EPAS1: variants seen among roughly 807,000 people sequenced by gnomAD.
The protein encoded by EPAS1 is endothelial PAS domain protein 1, also known as endothelial PAS domain-containing protein 1.
In EPAS1, 23 loss-of-function variants were observed where a neutral mutation model predicts 87.9. The ratio of observed to expected loss-of-function variants is 0.26; its 90% CI spans 0.19 to 0.37. The LOEUF (loss-of-function observed/expected upper bound fraction) is 0.37, where lower values mean the gene tolerates loss of function less well. Among genes scored for constraint, EPAS1 ranks in the 10% least tolerant of loss-of-function variants. The pLI is 1.00. For synonymous variants in EPAS1, 508 were observed against 444.3 expected (o/e 1.14, Z -1.80); for missense variants, 1,138 against 1,120.7 (o/e 1.02, Z -0.22).
chr2:46,352,078 C>T (rs988416239), intron 2 of EPAS1, among the ~76,000 whole-genome samples: 7 of 152,228 alleles, frequency 4.6e-5, no homozygotes, highest in Non-Finnish European at 8.8e-5. Flanking sequence ...CGGGCATGCA[C>T]TTTCTCAGCA....
Position 46,382,055 on chromosome 2 carries a change from G to A in EPAS1, c.2253G>A (p.Met751Ile). Residue 751 changes from methionine (M) to isoleucine (I), a missense_variant, in exon 14 of 16, where the codon ATG (methionine) becomes ATA (isoleucine). By Grantham distance (10) the Met-to-Ile change is conservative. This residue lies in a region of EPAS1 where 502 missense variants were observed against 427.1 expected (regional missense o/e 1.18). Transcript: ENST00000263734. ...KNLRGGSCPL[M>I]PDKPLSANVP... is the part of the protein sequence containing the mutation. ...TCAGGGGTGGGAGCTGCCCTTTGAT[G>A]CCGGACAAGCCACTGAGCGCAAATG... 1.2e-6 allele frequency: 2 copies of A among 1,613,616 alleles called. No homozygotes were observed. The highest frequency in any genetic ancestry group is 1.7e-6 in the Non-Finnish European group (2 of 1,179,954).
At position 46,339,518 on chromosome 2, in the gene EPAS1, A is replaced by T. The variant is rs185284734; in HGVS notation, c.27-7355A>T. Among the ~76,000 whole-genome samples, 498 of 152,338 alleles carry T rather than the reference A, an allele frequency of 3.3e-3. 2 individuals carry two copies. The highest frequency in any genetic ancestry group is 0.012 in the African/African-American group (485 of 41,582). Reference sequence around the variant, plus strand: ...GTTTTTCCTTATCTCTAAAATGGGAATGATGGTAGCTGCTCTTCCTAGCCT... The same window carrying T: ...GTTTTTCCTTATCTCTAAAATGGGATTGATGGTAGCTGCTCTTCCTAGCCT... On this transcript the variant is annotated intron_variant, in intron 1 of 15. Transcript: ENST00000263734.
Position 46,384,704 on chromosome 2 carries a change from A to G in EPAS1, c.*44A>G, listed in dbSNP as rs1433029591. On this transcript the variant is annotated 3_prime_UTR_variant, in exon 16 of 16. Coordinates refer to ENST00000263734, the MANE Select transcript of EPAS1 (RefSeq NM_001430.5). ...GCAGCACCTCTGCCGACGCCGTCCC[A>G]CCAGCTTCACTCTCTCCGTCTGTTT... The G allele has an allele frequency of 1.9e-6, 3 of 1,605,590 alleles. No homozygotes were observed. Among genetic ancestry groups the G allele is most frequent in the Middle Eastern group, 1.7e-4 (1 of 5,980 alleles).
At position 46,371,494 on chromosome 2, in the gene EPAS1, CACAA is replaced by C. The variant is rs1316644473; in HGVS notation, c.886+1566_886+1569del. ...ACACGCGCACACACAGACACACACACACAAACAACCTAGATTCAGCCCCACTCAG... is the reference window on the plus strand; with the variant it reads ...ACACGCGCACACACAGACACACACACACAACCTAGATTCAGCCCCACTCAG... On this transcript the variant is annotated intron_variant, in intron 7 of 15. Coordinates refer to ENST00000263734, the MANE Select transcript of EPAS1 (RefSeq NM_001430.5). This position sits in a 1 kb window ranked among gnomAD's most constrained non-coding sequence, Gnocchi z 4.3. Among the ~76,000 whole-genome samples, 1 of 152,136 alleles carries C rather than the reference CACAA, an allele frequency of 6.6e-6. No homozygotes were observed. The highest frequency in any genetic ancestry group is 1.9e-4 in the East Asian group (1 of 5,194).
At chr2:46,302,979 A>G (rs925774100) in intron 1 of EPAS1, among the ~76,000 whole-genome samples, 18 of 152,180 alleles carry the variant, frequency 1.2e-4, no homozygotes, top group African/African-American at 4.1e-4. Flanking sequence ...AGGCTGAGGC[A>G]GGAGAATCGC....
At chr2:46,374,439 C>G (rs558363780) in intron 7 of EPAS1, among the ~76,000 whole-genome samples, 3 of 152,298 alleles carry the variant, frequency 2.0e-5, no homozygotes, top group African/African-American at 7.2e-5. Context: ...TTGGTCAACA[C>G]TTATGTACCT....
intron 1 of EPAS1, among the ~76,000 whole-genome samples, chr2:46,329,620 G>C (rs909168758): frequency 6.6e-6 from 1 of 152,070 alleles, no homozygotes; most frequent in South Asian, 2.1e-4. Flanking sequence ...TCAGGAGTCC[G>C]AGACTAGCCT....
intron 6 of EPAS1, among the ~76,000 whole-genome samples, chr2:46,366,518 TCA>T (rs138453080): frequency 0.02 from 3,028 of 152,318 alleles, 57 homozygotes; most frequent in Non-Finnish European, 0.03. Context: ...ATCTCTCTCC[TCA>T]CTGCATCCTT....
chr2:46,374,655 G>A (rs1476329871), intron 7 of EPAS1, among the ~76,000 whole-genome samples: 6 of 152,260 alleles, frequency 3.9e-5, no homozygotes, highest in East Asian at 1.9e-4. Context: ...CTTTCCTAAC[G>A]TCTCTGTGAT....
rs544144484 is a variant in EPAS1, at chr2:46,318,092, G to C, written c.26+20155G>C. Among the ~76,000 whole-genome samples the C allele has an allele frequency of 1.2e-4, 19 of 152,108 alleles. No homozygotes were observed. In the South Asian group the frequency reaches 3.9e-3, roughly 32 times the overall value. On this transcript the variant is annotated intron_variant, in intron 1 of 15. Transcript: ENST00000263734. ...ACTCTTCCTTTCATTCGAACACATA[G>C]AGCCCATTGTAGAGTTATTAAAATT...
rs750503960 is a variant in EPAS1 at position 46,381,698 on chromosome 2, G to A, written c.2148G>A (p.Glu716=). The A allele has an allele frequency of 5.0e-6, 8 of 1,613,884 alleles. No homozygotes were observed. The East Asian group carries it at 1.3e-4, about 27-fold the overall frequency. ...LKLKRQLEYE[E]QAFQDLSGGD... Reference sequence around the variant, plus strand: ...TGAAGCGACAGCTGGAGTATGAAGAGCAAGCCTTCCAGGACCTGAGCGGGG... The same window carrying A: ...TGAAGCGACAGCTGGAGTATGAAGAACAAGCCTTCCAGGACCTGAGCGGGG... The change falls in exon 13 of 16, where the codon GAG becomes GAA. Residue 716 remains glutamate (E), a synonymous_variant. Transcript: ENST00000263734.
At chr2:46,374,098 T>C (rs1191240904) in intron 7 of EPAS1, among the ~76,000 whole-genome samples, 3 of 152,230 alleles carry the variant, frequency 2.0e-5, no homozygotes, top group African/African-American at 7.2e-5. Flanking sequence ...CAAATGTAAG[T>C]TACAGGAATT....
At chr2:46,378,915 G>A (rs2103669528) in intron 11 of EPAS1, 148 bp downstream of exon 11, 4 of 756,846 alleles carry the variant, frequency 5.3e-6, no homozygotes, top group Non-Finnish European at 9.2e-6. Context: ...AGAGGTAGGG[G>A]TACAGGGTAA....
chr2:46,299,461 C>A (rs1244594453), intron 1 of EPAS1, among the ~76,000 whole-genome samples: 4 of 152,234 alleles, frequency 2.6e-5, no homozygotes, highest in African/African-American at 9.6e-5. Flanking sequence ...CTTTTGAAGG[C>A]AGCAGAGCAA....
chr2:46,372,566 G>A (rs988772780), intron 7 of EPAS1, among the ~76,000 whole-genome samples: 2 of 152,242 alleles, frequency 1.3e-5, no homozygotes, highest in Non-Finnish European at 2.9e-5. Context: ...TGGGCGTGAG[G>A]TTAGGGGTCA....
At chr2:46,327,451 A>G (rs1683585107) in intron 1 of EPAS1, among the ~76,000 whole-genome samples, 1 of 152,198 alleles carries the variant, frequency 6.6e-6, no homozygotes, top group Non-Finnish European at 1.5e-5. Flanking sequence ...ATAGTGACCT[A>G]TCTAATGTTT....
chr2:46,381,582 C>T lies in EPAS1; in HGVS notation c.2046-14C>T, dbSNP rs1178580270. On this transcript the variant is annotated splice_polypyrimidine_tract_variant and intron_variant, in intron 12 of 15. Transcript: ENST00000263734. Reference sequence around the variant, plus strand: ...TCCAGACTCCCTCATAGCCTGCTCTCTCGGGCTTGGCAGGTCTGCAAAGGG... The same window carrying T: ...TCCAGACTCCCTCATAGCCTGCTCTTTCGGGCTTGGCAGGTCTGCAAAGGG... 1 of 1,613,972 alleles carries T rather than the reference C, an allele frequency of 6.2e-7. No homozygotes were observed. The highest frequency in any genetic ancestry group is 1.1e-5 in the South Asian group (1 of 91,080).
At chr2:46,341,574 A>T (rs1683914417) in intron 1 of EPAS1, among the ~76,000 whole-genome samples, 1 of 152,206 alleles carries the variant, frequency 6.6e-6, no homozygotes, top group South Asian at 2.1e-4. Context: ...TGGTGATCAC[A>T]CCAACTCCTA....
intron 1 of EPAS1, among the ~76,000 whole-genome samples, chr2:46,317,115 C>G (rs1439619335): frequency 6.6e-6 from 1 of 152,230 alleles, no homozygotes; most frequent in African/African-American, 2.4e-5. Flanking sequence ...TCTGCAGTTA[C>G]TTCCTCCACT....
Sources: allele counts gnomAD v4.1 joint callset (sites outside exome capture counted in the v4.1 genomes callset), GRCh38; gene constraint gnomAD v4.1.1; regional missense constraint gnomAD v4.1.1; non-coding constraint Gnocchi (gnomAD v3.1); transcripts MANE v1.5; gene names NCBI Gene and HGNC (gene_info 2026-07-23, HGNC 2026-07-21).